The following PCDHA4 variants were observed in gnomAD, a reference collection of about 807,000 sequenced individuals.
The protein encoded by PCDHA4 is protocadherin alpha-4.
In PCDHA4, 49 loss-of-function variants were observed where a neutral mutation model predicts 61.4. The ratio of observed to expected loss-of-function variants is 0.80; its 90% CI spans 0.63 to 1.01. PCDHA4 has a LOEUF of 1.01. Among genes scored for constraint, PCDHA4 ranks in the 50% least tolerant of loss-of-function variants. The pLI is 0.00. For synonymous variants in PCDHA4, 590 were observed against 550.3 expected (o/e 1.07, Z -1.01); for missense variants, 1,254 against 1,235.8 (o/e 1.01, Z -0.22).
chr5:140,968,652 ACCTGGACCT>A lies in PCDHA4; in HGVS notation c.2386-10295_2386-10287del, dbSNP rs1332508740. The A allele has an allele frequency of 1.9e-6, 3 of 1,614,000 alleles. No homozygotes were observed. In the African/African-American group the frequency reaches 4.0e-5, roughly 22 times the overall value. On this transcript the variant is annotated intron_variant, in intron 1 of 3. Transcript: ENST00000530339. ...TTTTACCATCTAGCCCAGACTTCTGACCTGGACCTCTTTAAGGTAGAGCTGCACACAGGA... is the reference window on the plus strand; with the variant it reads ...TTTTACCATCTAGCCCAGACTTCTGACTTTAAGGTAGAGCTGCACACAGGA...
chr5:140,954,405 G>T (rs246023), intron 1 of PCDHA4, among the ~76,000 whole-genome samples: 85,299 of 151,648 alleles, frequency 0.56, 24,568 homozygotes, highest in African/African-American at 0.69. Context: ...CCACCAACAG[G>T]GTAAAGGTGT....
At chr5:140,895,863 G>A (rs1450764434) in intron 1 of PCDHA4, among the ~76,000 whole-genome samples, 3 of 152,162 alleles carry the variant, frequency 2.0e-5, no homozygotes, top group African/African-American at 7.2e-5. Flanking sequence ...CCAGGCTGGA[G>A]TGCAATGGCG....
At chr5:140,822,008 T>G (rs2150112907) in intron 1 of PCDHA4, 2 of 1,614,166 alleles carry the variant, frequency 1.2e-6, no homozygotes, top group African/African-American at 2.7e-5. Context: ...GAGGTAAATC[T>G]GCAGAATGGC....
intron 1 of PCDHA4, chr5:140,813,216 AT>A (rs1181674747): frequency 1.3e-5 from 2 of 152,104 alleles, no homozygotes; most frequent in Non-Finnish European, 2.9e-5. Context: ...TGAATGTTCT[AT>A]TCCTTATTGA....
At chr5:140,931,782 C>T (rs967402790) in intron 1 of PCDHA4, among the ~76,000 whole-genome samples, 9 of 151,848 alleles carry the variant, frequency 5.9e-5, no homozygotes, top group Non-Finnish European at 5.9e-5. Flanking sequence ...GTTCAATTAC[C>T]TATTGATCTG....
intron 3 of PCDHA4, among the ~76,000 whole-genome samples, chr5:141,000,421 ATTTTTTT>A (rs34755515): frequency 5.7e-4 from 16 of 27,976 alleles, no homozygotes; most frequent in Non-Finnish European, 7.4e-4. Flanking sequence ...ATATATATAT[ATTTTTTT>A]TTTTTTTTTT....
At chr5:140,842,075 T>C (rs1285752130) in intron 1 of PCDHA4, 5 of 1,613,720 alleles carry the variant, frequency 3.1e-6, no homozygotes, top group Admixed American at 1.7e-5. Context: ...AGTAAGAATA[T>C]TCGAAAACGC....
rs781793178 is a variant in PCDHA4 at position 140,857,329 on chromosome 5, G to A, written c.2385+47757G>A. ...CCTATGAGCTGGTGGTGACCGCGCGGGACGGGGGCTCGCCTCCGCTGTGGG... is the reference window on the plus strand; with the variant it reads ...CCTATGAGCTGGTGGTGACCGCGCGAGACGGGGGCTCGCCTCCGCTGTGGG... On this transcript the variant is annotated intron_variant, in intron 1 of 3. Coordinates refer to ENST00000530339, the MANE Select transcript of PCDHA4 (RefSeq NM_018907.4). 1.7e-5 allele frequency: 27 copies of A among 1,598,568 alleles called. 1 individual carries two copies. In the South Asian group the frequency reaches 2.9e-4, roughly 17 times the overall value.
chr5:140,843,262 G>C (rs2150356218), intron 1 of PCDHA4: 1 of 1,596,090 alleles, frequency 6.3e-7, no homozygotes, highest in South Asian at 1.1e-5. Context: ...GCCACCGTCT[G>C]CTGGTCCTGG....
At chr5:140,855,521 G>A (rs1349311147) in intron 1 of PCDHA4, among the ~76,000 whole-genome samples, 1 of 149,904 alleles carries the variant, frequency 6.7e-6, no homozygotes, top group Admixed American at 6.7e-5. Context: ...AAAATAATGA[G>A]AAAGAGAAGT....
chr5:140,926,880 G>A lies in PCDHA4; in HGVS notation c.2386-52069G>A. 4 of 1,534,946 alleles carry A rather than the reference G, an allele frequency of 2.6e-6. No homozygotes were observed. The South Asian group carries it at 3.8e-5, about 15-fold the overall frequency. On this transcript the variant is annotated intron_variant, in intron 1 of 3. Transcript: ENST00000530339. ...TGTAGCGTGTTGGTGGAACGTGGAC[G>A]CCTAGAGGGAGGATGGTGGGCTGTG...
chr5:140,823,064 G>A (rs2150121897), intron 1 of PCDHA4: 1 of 1,614,062 alleles, frequency 6.2e-7, no homozygotes. Context: ...CGGGACGGGG[G>A]CTCGCCTTCG....
At chr5:140,965,538 A>G (rs1554227750) in intron 1 of PCDHA4, among the ~76,000 whole-genome samples, 1 of 151,958 alleles carries the variant, frequency 6.6e-6, no homozygotes, top group Non-Finnish European at 1.5e-5. Flanking sequence ...TGGAATCCAA[A>G]TTCCAGCCTG....
chr5:140,828,511 G>T lies in PCDHA4; in HGVS notation c.2385+18939G>T, dbSNP rs2150156254. ...TGTTCCCGGTAGAGGAACAAAGAGTGCTGATTTACGAATCTAGGCTGCCAG... is the reference window on the plus strand; with the variant it reads ...TGTTCCCGGTAGAGGAACAAAGAGTTCTGATTTACGAATCTAGGCTGCCAG... On this transcript the variant is annotated intron_variant, in intron 1 of 3. Transcript: ENST00000530339. 9 of 1,614,130 alleles carry T rather than the reference G, an allele frequency of 5.6e-6. No individual in the cohort carries two copies. The Admixed American group carries it at 1.3e-4, about 24-fold the overall frequency.
intron 1 of PCDHA4, chr5:140,857,828 C>A (rs781917564): frequency 2.5e-6 from 4 of 1,597,660 alleles, no homozygotes; most frequent in African/African-American, 1.3e-5. Flanking sequence ...GGCTAAGGTG[C>A]GCGCAGTGGA....
intron 1 of PCDHA4, among the ~76,000 whole-genome samples, chr5:140,903,398 T>C (rs1011557575): frequency 1.3e-5 from 2 of 152,204 alleles, no homozygotes; most frequent in Admixed American, 1.3e-4. Context: ...CTAGAAACAG[T>C]AGTGCAGTCA....
At chr5:140,931,373 C>T (rs1290408788) in intron 1 of PCDHA4, among the ~76,000 whole-genome samples, 1 of 151,646 alleles carries the variant, frequency 6.6e-6, no homozygotes, top group Non-Finnish European at 1.5e-5. Context: ...TTTCACTAGA[C>T]TAGAAAGGAA....
intron 1 of PCDHA4, among the ~76,000 whole-genome samples, chr5:140,912,408 T>A (rs1376927432): frequency 6.6e-6 from 1 of 152,054 alleles, no homozygotes; most frequent in Non-Finnish European, 1.5e-5. Flanking sequence ...TCAGCTTGGT[T>A]ATTATTGGTG....
At chr5:141,008,961 A>G (rs2098395078) in intron 3 of PCDHA4, among the ~76,000 whole-genome samples, 1 of 152,214 alleles carries the variant, frequency 6.6e-6, no homozygotes, top group Non-Finnish European at 1.5e-5. Context: ...ACATCCTAAT[A>G]CATTTATAGC....
Sources: allele counts gnomAD v4.1 joint callset (sites outside exome capture counted in the v4.1 genomes callset), GRCh38; gene constraint gnomAD v4.1.1; transcripts MANE v1.5; gene names NCBI Gene and HGNC (gene_info 2026-07-23, HGNC 2026-07-21).